PRKCA: variants seen among roughly 807,000 people sequenced by gnomAD.
PRKCA encodes protein kinase C alpha.
In PRKCA, 27 loss-of-function variants were observed where a neutral mutation model predicts 87.0. That is an observed-to-expected ratio of 0.31 (90% CI 0.23 to 0.43). PRKCA has a LOEUF of 0.43. PRKCA is among the 20% of genes least tolerant of loss of function. The pLI is 1.00. For synonymous variants in PRKCA, 329 were observed against 311.1 expected (o/e 1.06, Z -0.61); for missense variants, 518 against 852.3 (o/e 0.61, Z 4.88).
chr17:66,619,771 C>T (rs771804748), intron 3 of PRKCA, among the ~76,000 whole-genome samples: 6 of 152,104 alleles, frequency 3.9e-5, no homozygotes, highest in Non-Finnish European at 8.8e-5. Flanking sequence ...TATTATCTTC[C>T]CTTTAAACCT....
chr17:66,389,290 G>C (rs139810201), intron 2 of PRKCA, among the ~76,000 whole-genome samples: 30 of 152,278 alleles, frequency 2.0e-4, no homozygotes, highest in Non-Finnish European at 3.7e-4. Context: ...GGGAAGAGAG[G>C]AGCACGACTC....
At chr17:66,547,632 A>G (rs920945416) in intron 3 of PRKCA, among the ~76,000 whole-genome samples, 3 of 152,178 alleles carry the variant, frequency 2.0e-5, no homozygotes, top group African/African-American at 4.8e-5. Flanking sequence ...TTGACTATTC[A>G]TTGTTAACTT....
intron 2 of PRKCA, among the ~76,000 whole-genome samples, chr17:66,313,094 C>T (rs1311259981): frequency 6.6e-6 from 1 of 152,058 alleles, no homozygotes; most frequent in African/African-American, 2.4e-5. Flanking sequence ...TTTCCTCTGC[C>T]AGTTTTGAGT....
At chr17:66,504,229 C>G (rs965732679) in intron 3 of PRKCA, among the ~76,000 whole-genome samples, 1 of 152,168 alleles carries the variant, frequency 6.6e-6, no homozygotes, top group Non-Finnish European at 1.5e-5. Flanking sequence ...TTCCTGCCCT[C>G]CCAAGGCAGG....
chr17:66,462,823 T>TA (rs1914910873), intron 2 of PRKCA, among the ~76,000 whole-genome samples: 1 of 152,100 alleles, frequency 6.6e-6, no homozygotes. Flanking sequence ...AATCTCTTAT[T>TA]AAAAGTAGCC....
At chr17:66,382,637 AAGAC>A (rs1909825598) in intron 2 of PRKCA, among the ~76,000 whole-genome samples, 1 of 152,160 alleles carries the variant, frequency 6.6e-6, no homozygotes, top group Admixed American at 6.6e-5. Context: ...GTGTAATAAT[AAGAC>A]AGAAAAAATA....
At chr17:66,613,579 C>A (rs1309472449) in intron 3 of PRKCA, among the ~76,000 whole-genome samples, 1 of 152,104 alleles carries the variant, frequency 6.6e-6, no homozygotes, top group African/African-American at 2.4e-5. Context: ...AGGGAAGAAT[C>A]CTTCCTTGCC....
intron 2 of PRKCA, among the ~76,000 whole-genome samples, chr17:66,358,008 T>C (rs1218263899): frequency 1.3e-5 from 2 of 152,258 alleles, no homozygotes; most frequent in Non-Finnish European, 2.9e-5. Context: ...ATTAGAATTA[T>C]ATGATGATTA....
chr17:66,692,442 C>T (rs577989722), intron 8 of PRKCA, among the ~76,000 whole-genome samples: 4 of 152,224 alleles, frequency 2.6e-5, no homozygotes, highest in African/African-American at 7.2e-5. Context: ...GGTTCAATCA[C>T]GTAATGGTGT....
At position 66,326,674 on chromosome 17, in the gene PRKCA, T is replaced by C. The variant is rs550096212; in HGVS notation, c.205+20547T>C. On this transcript the variant is annotated intron_variant, in intron 2 of 16. Coordinates refer to ENST00000413366, the MANE Select transcript of PRKCA (RefSeq NM_002737.3). ...CCTTTTGAGCTGTCAAGATCAATTA[T>C]GTTGAACATAGCCAGAGTGGGGTGT... is the stretch of plus-strand genomic sequence containing the variant. Among the ~76,000 whole-genome samples, 16 of 152,340 alleles carry C rather than the reference T, an allele frequency of 1.1e-4. No individual in the cohort carries two copies. In the East Asian group the frequency reaches 3.1e-3, roughly 29 times the overall value.
intron 13 of PRKCA, among the ~76,000 whole-genome samples, chr17:66,758,409 T>A (rs769145402): frequency 2.0e-5 from 3 of 152,218 alleles, no homozygotes; most frequent in African/African-American, 7.2e-5. Flanking sequence ...GAGCACTTCA[T>A]CCTGAAGCAT....
At chr17:66,387,527 G>A (rs1051534419) in intron 2 of PRKCA, among the ~76,000 whole-genome samples, 1 of 152,188 alleles carries the variant, frequency 6.6e-6, no homozygotes, top group South Asian at 2.1e-4. Flanking sequence ...AGTAAAAGGA[G>A]CCTTTCATCT....
At chr17:66,619,375 C>G (rs538810492) in intron 3 of PRKCA, among the ~76,000 whole-genome samples, 1 of 152,262 alleles carries the variant, frequency 6.6e-6, no homozygotes, top group South Asian at 2.1e-4. Context: ...AAGCCAAATG[C>G]GTAGATGATG....
chr17:66,695,451 A>G (rs888414928), intron 8 of PRKCA, among the ~76,000 whole-genome samples: 1 of 152,250 alleles, frequency 6.6e-6, no homozygotes. Flanking sequence ...AGGGTTGCTT[A>G]TCTACTCCAT....
At chr17:66,473,949 A>C (rs924949549) in intron 2 of PRKCA, among the ~76,000 whole-genome samples, 7 of 152,160 alleles carry the variant, frequency 4.6e-5, no homozygotes, top group African/African-American at 1.7e-4. Flanking sequence ...TCAAAAAAAA[A>C]CAAAAAAGCT....
intron 3 of PRKCA, among the ~76,000 whole-genome samples, chr17:66,595,696 C>T (rs978137532): frequency 1.3e-5 from 2 of 152,026 alleles, no homozygotes; most frequent in Non-Finnish European, 2.9e-5. Flanking sequence ...CTCCTGACCT[C>T]GTGATCCGCC....
chr17:66,667,999 G>A (rs1385402504), intron 5 of PRKCA, among the ~76,000 whole-genome samples: 1 of 152,208 alleles, frequency 6.6e-6, no homozygotes, highest in Admixed American at 6.5e-5. Context: ...AGAAATTTCT[G>A]TTGCCCGTTA....
chr17:66,660,466 T>G (rs1231849582), intron 5 of PRKCA, among the ~76,000 whole-genome samples: 1 of 152,168 alleles, frequency 6.6e-6, no homozygotes, highest in African/African-American at 2.4e-5. Context: ...TTCCTTTATT[T>G]CCATGTTAGG....
At chr17:66,454,131 G>A (rs887493020) in intron 2 of PRKCA, among the ~76,000 whole-genome samples, 1 of 152,176 alleles carries the variant, frequency 6.6e-6, no homozygotes, top group African/African-American at 2.4e-5. Flanking sequence ...ACAATTAATT[G>A]CATTCAGCTT....
Sources: allele counts gnomAD v4.1 joint callset (sites outside exome capture counted in the v4.1 genomes callset), GRCh38; gene constraint gnomAD v4.1.1; transcripts MANE v1.5; gene names NCBI Gene and HGNC (gene_info 2026-07-23, HGNC 2026-07-21).